Variants in DCLK1 observed in about 807,000 individuals in gnomAD.
DCLK1 encodes the protein doublecortin like kinase 1.
DCLK1 carries 16 observed loss-of-function variants against 86.2 expected under a neutral mutation model. The ratio of observed to expected loss-of-function variants is 0.19; its 90% CI spans 0.13 to 0.28. The LOEUF is 0.28. Among genes scored for constraint, DCLK1 ranks in the 10% least tolerant of loss-of-function variants. The pLI is 1.00. For synonymous variants in DCLK1, 369 were observed against 370.5 expected (o/e 1.00, Z 0.05); for missense variants, 590 against 940.2 (o/e 0.63, Z 4.87).
At chr13:35,958,190 T>TCATCATC (rs1878201025) in intron 3 of DCLK1, among the ~76,000 whole-genome samples, 2 of 5,668 alleles carry the variant, frequency 3.5e-4, no homozygotes, top group Non-Finnish European at 1.2e-3. Flanking sequence ...TAACCACCAC[T>TCATCATC]ACCACCACCA....
intron 15 of DCLK1, chr13:35,805,436 A>T: frequency 2.7e-6 from 1 of 365,852 alleles, no homozygotes; most frequent in Non-Finnish European, 4.9e-6. Flanking sequence ...AGCTGGGACC[A>T]CAGGCTTGTG....
intron 3 of DCLK1, among the ~76,000 whole-genome samples, chr13:35,961,928 T>C (rs1878483406): frequency 6.6e-6 from 1 of 152,198 alleles, no homozygotes; most frequent in Admixed American, 6.5e-5. Context: ...ATAGCCATAG[T>C]TATTGATGCA....
At chr13:35,798,239 C>T (rs1054821294) in intron 15 of DCLK1, among the ~76,000 whole-genome samples, 3 of 152,168 alleles carry the variant, frequency 2.0e-5, no homozygotes, top group Non-Finnish European at 2.9e-5. Flanking sequence ...TGTGGGGGAA[C>T]GGATGTGAAG....
intron 3 of DCLK1, among the ~76,000 whole-genome samples, chr13:36,071,998 C>T (rs552243508): frequency 1.3e-5 from 2 of 152,280 alleles, no homozygotes; most frequent in East Asian, 3.9e-4. Flanking sequence ...ACCAAATTCT[C>T]GATTTTAATA....
intron 3 of DCLK1, among the ~76,000 whole-genome samples, chr13:36,100,533 G>A (rs1006626294): frequency 3.3e-5 from 5 of 152,084 alleles, no homozygotes; most frequent in African/African-American, 9.7e-5. Flanking sequence ...CGACAGAAAC[G>A]AACCTTTTAC....
Position 36,050,519 on chromosome 13 carries a change from T to G in DCLK1, c.723+61350A>C, listed in dbSNP as rs750876586. Among the ~76,000 whole-genome samples the G allele has an allele frequency of 5.3e-5, 8 of 152,278 alleles. No homozygotes were observed. In the South Asian group the frequency reaches 1.7e-3, roughly 32 times the overall value. ...ACCAGAAGATCACAAAATCCTAATT[T>G]GGTTTGCAACCTTTAAGAATCCCAA... On this transcript the variant is annotated intron_variant, in intron 3 of 16. Transcript: ENST00000360631.
At chr13:35,776,587 C>T (rs1179271422) in intron 16 of DCLK1, among the ~76,000 whole-genome samples, 1 of 152,190 alleles carries the variant, frequency 6.6e-6, no homozygotes, top group Non-Finnish European at 1.5e-5. Context: ...ATAAGAAGCA[C>T]CTTTCCACTC....
At chr13:36,092,696 C>T (rs11620141) in intron 3 of DCLK1, among the ~76,000 whole-genome samples, 9,607 of 151,756 alleles carry the variant, frequency 0.063, 351 homozygotes, top group East Asian at 0.12. Flanking sequence ...CCGTTTTAGC[C>T]GGGATGGTCT....
chr13:35,988,753 G>A (rs572554343), intron 3 of DCLK1, among the ~76,000 whole-genome samples: 1 of 152,252 alleles, frequency 6.6e-6, no homozygotes, highest in East Asian at 1.9e-4. Context: ...AGTTTCCATG[G>A]AGATGACGAA....
At chr13:36,123,744 T>G (rs1316588055) in intron 2 of DCLK1, among the ~76,000 whole-genome samples, 2 of 152,264 alleles carry the variant, frequency 1.3e-5, no homozygotes, top group Non-Finnish European at 2.9e-5. Flanking sequence ...TATTCATATA[T>G]GCAGGGATTT....
chr13:35,838,114 G>C (rs1208395245), intron 7 of DCLK1, among the ~76,000 whole-genome samples: 1 of 145,728 alleles, frequency 6.9e-6, no homozygotes, highest in Non-Finnish European at 1.5e-5. Context: ...TTAGCCAAAG[G>C]CTTAAATCAA....
At position 35,786,047 on chromosome 13, in the gene DCLK1, T is replaced by A. The variant is rs57296584; in HGVS notation, c.2058+7319A>T. Among the ~76,000 whole-genome samples the A allele has an allele frequency of 1.5e-3, 228 of 152,300 alleles. 1 individual carries two copies. The highest frequency in any genetic ancestry group is 5.3e-3 in the African/African-American group (222 of 41,566). ...GCCCCAGCTGGAAAACAGAGCACTT[T>A]ATGTGCGCAAGAAAAAAGAGATTAT... On this transcript the variant is annotated intron_variant, in intron 16 of 16. Coordinates refer to ENST00000360631, the MANE Select transcript of DCLK1 (RefSeq NM_001330071.2).
chr13:36,004,173 C>A (rs1162560559), intron 3 of DCLK1, among the ~76,000 whole-genome samples: 1 of 152,200 alleles, frequency 6.6e-6, no homozygotes, highest in Non-Finnish European at 1.5e-5. Flanking sequence ...TGGAAAGCCA[C>A]ATCATTTTCT....
intron 16 of DCLK1, among the ~76,000 whole-genome samples, chr13:35,779,510 T>C (rs1022331469): frequency 6.6e-6 from 1 of 152,178 alleles, no homozygotes; most frequent in African/African-American, 2.4e-5. Flanking sequence ...ACATATTAAG[T>C]GTGTATTAAA....
At chr13:36,015,780 C>T (rs1055314014) in intron 3 of DCLK1, among the ~76,000 whole-genome samples, 3 of 152,150 alleles carry the variant, frequency 2.0e-5, no homozygotes, top group African/African-American at 7.2e-5. Flanking sequence ...TGCATCTGTG[C>T]TTTTTAATCC....
At chr13:36,131,777 T>A (rs535138480), upstream of DCLK1, among the ~76,000 whole-genome samples, 54 of 152,306 alleles carry the variant, frequency 3.5e-4, no homozygotes, top group African/African-American at 1.0e-3. Flanking sequence ...TACCTTTTGA[T>A]GTGACCTCAC....
chr13:36,006,071 G>C (rs1215304593), intron 3 of DCLK1, among the ~76,000 whole-genome samples: 1 of 152,076 alleles, frequency 6.6e-6, no homozygotes, highest in East Asian at 1.9e-4. Context: ...TGCATGCGGG[G>C]CTTAAAACCT....
At chr13:36,131,807 G>C (rs1479118351), upstream of DCLK1, among the ~76,000 whole-genome samples, 1 of 152,150 alleles carries the variant, frequency 6.6e-6, no homozygotes, top group Non-Finnish European at 1.5e-5. Context: ...CCTTTCCCAG[G>C]GTATGGAAGC....
intron 3 of DCLK1, among the ~76,000 whole-genome samples, chr13:36,090,095 C>A (rs1180584516): frequency 6.6e-6 from 1 of 152,104 alleles, no homozygotes; most frequent in African/African-American, 2.4e-5. Context: ...ATAAAGCAAG[C>A]CTTACTTTAG....
Sources: gnomAD v4.1 joint callset for allele counts (sites outside exome capture counted in the v4.1 genomes callset) on GRCh38, gnomAD v4.1.1 for gene constraint, MANE v1.5 for transcripts, NCBI Gene and HGNC (gene_info 2026-07-23, HGNC 2026-07-21) for gene names.